The following VCPIP1 variants were observed in gnomAD, a reference collection of about 807,000 sequenced individuals.
VCPIP1 encodes valosin containing protein interacting protein 1.
VCPIP1 carries 8 observed loss-of-function variants against 85.0 expected under a neutral mutation model. The observed-to-expected ratio is 0.09, with a 90% CI of 0.06 to 0.17. The LOEUF (loss-of-function observed/expected upper bound fraction) is 0.17. VCPIP1 is among the 10% of genes least tolerant of loss of function. The pLI, the probability that VCPIP1 is intolerant of heterozygous loss-of-function variation, is 1.00. For missense variants in VCPIP1, 1,070 were observed against 1,486.3 expected (o/e 0.72, Z 4.61); for synonymous variants, 543 against 544.5 (o/e 1.00, Z 0.04).
chr8:66,648,443 T>TA (rs1491450319), intron 2 of VCPIP1, among the ~76,000 whole-genome samples: 1 of 152,154 alleles, frequency 6.6e-6, no homozygotes, highest in East Asian at 1.9e-4. Flanking sequence ...TTATCTAATC[T>TA]ATCTAATCTA....
chr8:66,640,759 G>A (rs543773279), intron 2 of VCPIP1, among the ~76,000 whole-genome samples: 2 of 152,228 alleles, frequency 1.3e-5, no homozygotes, highest in East Asian at 3.9e-4. Flanking sequence ...CTGAACTCCA[G>A]GGGAAGACCA....
intron 1 of VCPIP1, among the ~76,000 whole-genome samples, chr8:66,652,260 C>G (rs1385780948): frequency 6.6e-6 from 1 of 152,140 alleles, no homozygotes; most frequent in Non-Finnish European, 1.5e-5. Flanking sequence ...AAGACTCAAT[C>G]CAGCTCAAAG....
chr8:66,649,416 C>T (rs1811031328), intron 2 of VCPIP1, among the ~76,000 whole-genome samples: 1 of 151,966 alleles, frequency 6.6e-6, no homozygotes. Context: ...GGAGGCTGAG[C>T]TGGGAGGATC....
In VCPIP1 at chr8:66,666,077, A is replaced by G; in HGVS notation, c.882T>C (p.Gly294=). 2.5e-6 allele frequency: 4 copies of G among 1,614,186 alleles called. No individual in the cohort carries two copies. Among genetic ancestry groups the G allele is most frequent in the Non-Finnish European group, 3.4e-6 (4 of 1,180,050 alleles). ...PLGLRNIHIF[G]LANVLHRPII... is the part of the protein sequence containing the mutation. Reference sequence around the variant, plus strand: ...TAGGACGATGTAGCACATTGGCAAGACCAAATATGTGGATATTCCTCAGGC... The same window carrying G: ...TAGGACGATGTAGCACATTGGCAAGGCCAAATATGTGGATATTCCTCAGGC... Residue 294 remains glycine (G), a synonymous_variant, in exon 1 of 3, where the codon GGT becomes GGC. Transcript: ENST00000310421. This position sits in a 1 kb window ranked among gnomAD's most constrained non-coding sequence, Gnocchi z 6.3.
chr8:66,661,206 C>G (rs1811153496), intron 1 of VCPIP1, among the ~76,000 whole-genome samples: 1 of 152,164 alleles, frequency 6.6e-6, no homozygotes, highest in Non-Finnish European at 1.5e-5. Flanking sequence ...ACAATGCTCT[C>G]TTTTACACCC....
In VCPIP1 at chr8:66,634,422, C is replaced by CT; in HGVS notation, c.*78dup. 1 of 1,460,868 alleles carries CT rather than the reference C, an allele frequency of 6.8e-7. No homozygotes were observed. The highest frequency in any genetic ancestry group is 1.4e-5 in the African/African-American group (1 of 70,696). The allele number at this position is 1,460,868 out of a possible 1,614,324, so 90.5% of individuals were successfully genotyped here. ...TATATACGTACAAGATTTTTAATGA[C>CT]TAATCAAGTTACGTGGCCCAGCCAA... On this transcript the variant is annotated 3_prime_UTR_variant, in exon 3 of 3. Coordinates refer to ENST00000310421, the MANE Select transcript of VCPIP1 (RefSeq NM_025054.5).
intron 1 of VCPIP1, among the ~76,000 whole-genome samples, chr8:66,662,623 T>C (rs1005465504): frequency 5.3e-5 from 8 of 152,300 alleles, no homozygotes; most frequent in African/African-American, 1.9e-4. Context: ...TTGAGGAAGA[T>C]CTTCTCTTTC....
chr8:66,638,970 C>CTCTCTCTCTATATATATATATATATA, intron 2 of VCPIP1, among the ~76,000 whole-genome samples: 14 of 118,432 alleles, frequency 1.2e-4, no homozygotes, highest in African/African-American at 5.1e-4. Context: ...CTCTCTCTCT[C>CTCTCTCTCTATATATATATATATATA]TATATATATA....
intron 1 of VCPIP1, among the ~76,000 whole-genome samples, chr8:66,652,648 C>T (rs955402459): frequency 4.3e-4 from 65 of 150,556 alleles, no homozygotes; most frequent in African/African-American, 1.5e-3. Context: ...AAGTAAAATA[C>T]AAAATTGTAA....
At chr8:66,655,684 A>C (rs1295299171) in intron 1 of VCPIP1, among the ~76,000 whole-genome samples, 1 of 151,786 alleles carries the variant, frequency 6.6e-6, no homozygotes, top group South Asian at 2.1e-4. Flanking sequence ...TAATAAAACA[A>C]AATAATAGCA....
chr8:66,638,341 G>A lies in VCPIP1; in HGVS notation c.2798-2969C>T, dbSNP rs111849360. Among the ~76,000 whole-genome samples the A allele has an allele frequency of 8.8e-3, 1,338 of 152,028 alleles. 23 individuals are homozygous for A. Among genetic ancestry groups the A allele is most frequent in the African/African-American group, 0.03 (1,228 of 41,446 alleles). The stretch of plus-strand genomic sequence containing the variant: ...CCTCTACAAAAAATTTAAAAAATTA[G>A]CTGGGTGTAGTGGCATATGCCTGTA... On this transcript the variant is annotated intron_variant, in intron 2 of 2. Coordinates refer to ENST00000310421, the MANE Select transcript of VCPIP1 (RefSeq NM_025054.5).
Position 66,630,335 on chromosome 8 carries a change from T to C in VCPIP1, c.*4166A>G, listed in dbSNP as rs1810822003. On this transcript the variant is annotated 3_prime_UTR_variant, in exon 3 of 3. Transcript: ENST00000310421. ...TTCTAAATATTTACACTATTACTGC[T>C]TATGTTTACAAATTCTAAGTATCAT... 6.6e-6 allele frequency: 1 copy of C among 152,448 alleles called. No homozygotes were observed. Among genetic ancestry groups the C allele is most frequent in the Admixed American group, 6.5e-5 (1 of 15,282 alleles). The allele number at this position is 152,448 out of a possible 1,614,324, so 9.4% of individuals were successfully genotyped here. A position where few individuals can be genotyped will look rare whatever the true frequency, so the allele number is the denominator to read the frequency against.
rs1413553351 is a variant in VCPIP1 at position 66,628,702 on chromosome 8, G to A, written c.*5799C>T. ...TGCATATACAAGACCTCAAGTCCAAGTTTGGGATAACTGTAGCCAACACCT... is the reference window on the plus strand; with the variant it reads ...TGCATATACAAGACCTCAAGTCCAAATTTGGGATAACTGTAGCCAACACCT... On this transcript the variant is annotated 3_prime_UTR_variant, in exon 3 of 3. Transcript: ENST00000310421. 6.6e-6 allele frequency: 1 copy of A among 152,210 alleles called. No individual in the cohort carries two copies. The highest frequency in any genetic ancestry group is 1.5e-5 in the Non-Finnish European group (1 of 68,050). The allele number at this position is 152,210 out of a possible 1,614,324, so 9.4% of individuals were successfully genotyped here.
Position 66,665,955 on chromosome 8 carries a change from T to C in VCPIP1, c.1004A>G (p.Lys335Arg), listed in dbSNP as rs1239748484. The C allele has an allele frequency of 1.2e-6, 2 of 1,614,100 alleles. No homozygotes were observed. The highest frequency in any genetic ancestry group is 1.7e-6 in the Non-Finnish European group (2 of 1,180,050). The change falls in exon 1 of 3, where the codon AAA (lysine) becomes AGA (arginine). Residue 335 changes from lysine (K) to arginine (R), a missense_variant. Lys to Arg is a conservative substitution (Grantham distance 26). Transcript: ENST00000310421. The surrounding 1 kb of genome is among the most constrained non-coding windows in gnomAD (Gnocchi z 4.3). ...GATTGGTTTGTTCAAATGACCATCT[T>C]TCCCAGTGCACTTCTCTGCAGGGAT... ...GLIPAEKCTGKDGHLNKPICI... is the reference protein window; with the variant it reads ...GLIPAEKCTGRDGHLNKPICI...
chr8:66,660,123 C>A (rs1378145192), intron 1 of VCPIP1, among the ~76,000 whole-genome samples: 1 of 152,242 alleles, frequency 6.6e-6, no homozygotes, highest in Non-Finnish European at 1.5e-5. Flanking sequence ...TAATGGAGGG[C>A]AAGCACTGAC....
At chr8:66,645,726 C>T (rs1810988412) in intron 2 of VCPIP1, among the ~76,000 whole-genome samples, 1 of 143,238 alleles carries the variant, frequency 7.0e-6, no homozygotes, top group Non-Finnish European at 1.5e-5. Flanking sequence ...TCAAGACTAG[C>T]CTGGGCAGCA....
intron 2 of VCPIP1, among the ~76,000 whole-genome samples, chr8:66,650,047 T>C (rs901519694): frequency 6.7e-6 from 1 of 149,056 alleles, no homozygotes; most frequent in Non-Finnish European, 1.5e-5. Context: ...TTTTTTTAGG[T>C]TGTAATAATG....
At position 66,631,471 on chromosome 8, in the gene VCPIP1, T is replaced by C. The variant is rs1006198979; in HGVS notation, c.*3030A>G. ...ACAATTCTCAAAAACCTGTCATTAG[T>C]AGTATGAGTTGCTAGCAAGTGATCT... On this transcript the variant is annotated 3_prime_UTR_variant, in exon 3 of 3. Coordinates refer to ENST00000310421, the MANE Select transcript of VCPIP1 (RefSeq NM_025054.5). The C allele has an allele frequency of 1.1e-4, 17 of 154,544 alleles. No individual in the cohort carries two copies. The highest frequency in any genetic ancestry group is 3.9e-4 in the African/African-American group (16 of 41,522). 9.6% of individuals were successfully genotyped at this position (154,544 alleles called of 1,614,324 possible).
In VCPIP1 at chr8:66,665,008, T is replaced by C. The variant is rs1207013310; in HGVS notation, c.1951A>G (p.Ile651Val). The change falls in exon 1 of 3, where the codon ATA becomes GTA. Residue 651 changes from isoleucine (I) to valine (V), a missense_variant. By Grantham distance (29) the Ile-to-Val change is conservative. Around this residue, in one of 8 missense-constraint regions of VCPIP1, gnomAD observed 278 missense variants for 298.5 expected, o/e 0.93. Transcript: ENST00000310421. The surrounding 1 kb of genome is among the most constrained non-coding windows in gnomAD (Gnocchi z 4.3). Reference sequence around the variant, plus strand: ...TTCTTTTTGGCAGTCTGATGCAATATAGTGTGGACAACTTTCTGAACTAGG... The same window carrying C: ...TTCTTTTTGGCAGTCTGATGCAATACAGTGTGGACAACTTTCTGAACTAGG... ...EILVQKVVHT[I>V]LHQTAKKNPD... is the part of the protein sequence containing the mutation. 5 of 1,613,800 alleles carry C rather than the reference T, an allele frequency of 3.1e-6. No homozygotes were observed. In the East Asian group the frequency reaches 8.9e-5, roughly 29 times the overall value.
Sources: allele counts gnomAD v4.1 joint callset (sites outside exome capture counted in the v4.1 genomes callset), GRCh38; gene constraint gnomAD v4.1.1; regional missense constraint gnomAD v4.1.1; non-coding constraint Gnocchi (gnomAD v3.1); transcripts MANE v1.5; gene names NCBI Gene and HGNC (gene_info 2026-07-23, HGNC 2026-07-21).